CLIC5: variants seen among roughly 807,000 people sequenced by gnomAD.
CLIC5 encodes the protein CLIC family member 5.
A neutral mutation model predicts 24.7 loss-of-function variants in CLIC5; 20 were observed. The ratio of observed to expected loss-of-function variants is 0.81; its 90% confidence interval spans 0.57 to 1.18. The LOEUF is 1.18. Ranked by LOEUF, CLIC5 falls within the 50% of genes most tolerant of loss-of-function variation. The probability of loss-of-function intolerance (pLI) is 0.00; values close to 1 mark genes in which losing one functional copy is unlikely to be tolerated. For synonymous variants in CLIC5, 159 were observed against 135.6 expected, an observed-to-expected ratio of 1.17 and a Z score of -1.20; for missense variants, 341 against 326.1, an observed-to-expected ratio of 1.05 and a Z score of -0.35.
In CLIC5 at chr6:46,079,929, AT is replaced by A; in HGVS notation, c.313del (p.Ile105SerfsTer26). On this transcript the variant is annotated frameshift_variant, in exon 1 of 6. Coordinates refer to the CLIC5 transcript ENST00000185206. LOFTEE classifies it high-confidence loss of function. ...TGATGAATATAACCCTTCCATTGAG[AT>A]GCCCCTGTCCTCCTGGGGCTCACCT... is the stretch of plus-strand genomic sequence containing the variant. 6.4e-7 allele frequency: 1 copy of A among 1,551,784 alleles called. No homozygotes were observed. Among genetic ancestry groups the A allele is most frequent in the Non-Finnish European group, 8.7e-7 (1 of 1,146,962 alleles).
chr6:46,120,200 A>T, the CLIC5 span, among the ~76,000 whole-genome samples: 1 of 152,154 alleles, frequency 6.6e-6, no homozygotes, highest in South Asian at 2.1e-4. Context: ...GCAGACTGAC[A>T]CCTCACACGG....
chr6:45,964,375 G>A (rs1286635690), intron 1 of CLIC5, among the ~76,000 whole-genome samples: 1 of 152,196 alleles, frequency 6.6e-6, no homozygotes, highest in Non-Finnish European at 1.5e-5. Context: ...CCCAGCTAGA[G>A]GTGGAGTCCA....
intron 1 of CLIC5, among the ~76,000 whole-genome samples, chr6:45,976,730 A>G (rs1765397619): frequency 6.6e-6 from 1 of 152,242 alleles, no homozygotes; most frequent in African/African-American, 2.4e-5. Context: ...AGTGATTCTC[A>G]GTATTAATAA....
In CLIC5 at chr6:45,935,473, G is replaced by C. The variant is rs141361146; in HGVS notation, c.406+6074C>G. Among the ~76,000 whole-genome samples the C allele has an allele frequency of 2.0e-5, 3 of 152,306 alleles. 1 individual carries two copies. In the East Asian group the frequency reaches 5.8e-4, roughly 29 times the overall value. On this transcript the variant is annotated intron_variant, in intron 4 of 5. Coordinates refer to ENST00000339561, the MANE Select transcript of CLIC5 (RefSeq NM_016929.5). ...CAGGGATGCTGCAGGATGTGCCAAAGGGGCATGGATGACACTGTGCCCTCC... is the reference window on the plus strand; with the variant it reads ...CAGGGATGCTGCAGGATGTGCCAAACGGGCATGGATGACACTGTGCCCTCC...
chr6:46,078,331 G>A (rs1252012228), intron 1 of CLIC5, among the ~76,000 whole-genome samples: 3 of 151,836 alleles, frequency 2.0e-5, no homozygotes, highest in African/African-American at 7.3e-5. Context: ...TTGCACTCCA[G>A]CCTGGGTGAC....
chr6:45,980,660 G>C (rs1213756321), intron 1 of CLIC5, among the ~76,000 whole-genome samples: 1 of 151,152 alleles, frequency 6.6e-6, no homozygotes, highest in Non-Finnish European at 1.5e-5. Flanking sequence ...AAAATGTTGT[G>C]AATAGAGCAT....
intron 1 of CLIC5, among the ~76,000 whole-genome samples, chr6:45,959,691 G>T (rs1430061118): frequency 1.3e-5 from 2 of 152,126 alleles, no homozygotes. Context: ...TCAGCCAGTT[G>T]CTCTTTCAGG....
At chr6:45,922,807 AAG>A (rs1177220849) in intron 4 of CLIC5, among the ~76,000 whole-genome samples, 12 of 118,506 alleles carry the variant, frequency 1.0e-4, no homozygotes, top group Non-Finnish European at 9.7e-5. Flanking sequence ...AGAAGGGAGG[AAG>A]AGAGAGAGAG....
At chr6:46,056,526 A>C (rs1329930945) in intron 1 of CLIC5, among the ~76,000 whole-genome samples, 1 of 152,178 alleles carries the variant, frequency 6.6e-6, no homozygotes, top group Non-Finnish European at 1.5e-5. Context: ...GTCCCAGCTC[A>C]TGACAGCCAG....
At chr6:46,051,548 C>G (rs1450172043) in intron 1 of CLIC5, among the ~76,000 whole-genome samples, 2 of 152,076 alleles carry the variant, frequency 1.3e-5, no homozygotes, top group Non-Finnish European at 2.9e-5. Context: ...GTGTTTTTCC[C>G]TGTGATTCTG....
At position 45,969,430 on chromosome 6, in the gene CLIC5, C is replaced by A. The variant is rs1050500098; in HGVS notation, c.64-14186G>T. Reference sequence around the variant, plus strand: ...AGAAGCACCCTTTTTGGAAGGCTGTCCCCACCCCATGTCCCCGCCCCCACC... The same window carrying A: ...AGAAGCACCCTTTTTGGAAGGCTGTACCCACCCCATGTCCCCGCCCCCACC... On this transcript the variant is annotated intron_variant, in intron 1 of 5. Transcript: ENST00000339561. 4.8e-5 allele frequency among the ~76,000 whole-genome samples: 7 copies of A among 145,022 alleles called. 1 individual carries two copies.
chr6:46,051,626 C>G (rs939723284), intron 1 of CLIC5, among the ~76,000 whole-genome samples: 8 of 152,114 alleles, frequency 5.3e-5, no homozygotes, highest in Non-Finnish European at 1.2e-4. Context: ...AGAGAATGCT[C>G]AAATGTCTTT....
At chr6:45,996,378 T>C (rs544297775) in intron 1 of CLIC5, among the ~76,000 whole-genome samples, 138 of 152,238 alleles carry the variant, frequency 9.1e-4, no homozygotes, top group Non-Finnish European at 1.1e-3. Context: ...ATTTTGTCTT[T>C]TGTTGCCATT....
At chr6:46,034,238 G>A (rs1304145799) in intron 1 of CLIC5, among the ~76,000 whole-genome samples, 1 of 152,178 alleles carries the variant, frequency 6.6e-6, no homozygotes, top group African/African-American at 2.4e-5. Flanking sequence ...GATTTCATTG[G>A]TCTGGCATGT....
intron 3 of CLIC5, among the ~76,000 whole-genome samples, chr6:45,944,151 A>C (rs760448425): frequency 2.4e-4 from 36 of 152,180 alleles, no homozygotes; most frequent in South Asian, 1.2e-3. Flanking sequence ...GCAAACTGTG[A>C]CCCATGACCC....
chr6:46,090,092 A>C, the CLIC5 span, among the ~76,000 whole-genome samples: 1 of 152,224 alleles, frequency 6.6e-6, no homozygotes, highest in Non-Finnish European at 1.5e-5. Context: ...ACAACAAAAA[A>C]CGAAATATAT....
At chr6:46,019,847 A>G (rs1358007149), upstream of CLIC5, among the ~76,000 whole-genome samples, 2 of 151,608 alleles carry the variant, frequency 1.3e-5, no homozygotes, top group Non-Finnish European at 2.9e-5. Context: ...AATAATAATA[A>G]CAGAGCCAGC....
intron 1 of CLIC5, among the ~76,000 whole-genome samples, chr6:45,962,970 C>T (rs1764900648): frequency 6.6e-6 from 1 of 152,236 alleles, no homozygotes; most frequent in Admixed American, 6.5e-5. Context: ...CACACACTCT[C>T]TGAGAAAGAA....
At chr6:46,069,184 T>C (rs899070481) in intron 1 of CLIC5, among the ~76,000 whole-genome samples, 2 of 152,112 alleles carry the variant, frequency 1.3e-5, no homozygotes, top group Non-Finnish European at 2.9e-5. Context: ...TGACAAGTAA[T>C]GAAGTCTTAG....
Sources: gnomAD v4.1 joint callset for allele counts (sites outside exome capture counted in the v4.1 genomes callset) on GRCh38, gnomAD v4.1.1 for gene constraint, MANE v1.5 for transcripts, NCBI Gene and HGNC (gene_info 2026-07-23, HGNC 2026-07-21) for gene names.